PDE1A: variants seen among roughly 807,000 people sequenced by gnomAD.
PDE1A encodes phosphodiesterase 1A.
PDE1A carries 35 observed loss-of-function variants against 61.7 expected under a neutral mutation model. The observed-to-expected ratio is 0.57, with a 90% CI of 0.43 to 0.75. The LOEUF is 0.75. Among genes scored for constraint, PDE1A ranks in the 30% least tolerant of loss-of-function variants. PDE1A has a pLI of 0.00. For missense variants in PDE1A, 597 were observed against 630.6 expected (o/e 0.95, Z 0.57); for synonymous variants, 232 against 213.2 (o/e 1.09, Z -0.77).
chr2:182,692,678 T>TATATATATAAAATATATATATGTA, the PDE1A span, among the ~76,000 whole-genome samples: 93 of 147,974 alleles, frequency 6.3e-4, no homozygotes, highest in Non-Finnish European at 1.2e-3. Flanking sequence ...TAAAAATATA[T>TATATATATAAAATATATATATGTA]ATATATATAA....
At chr2:182,658,058 A>AC in the PDE1A span, among the ~76,000 whole-genome samples, 335 of 108,568 alleles carry the variant, frequency 3.1e-3, 11 homozygotes, top group East Asian at 9.8e-3. Context: ...AAAAAAAAAA[A>AC]AAAAAAAAAA....
Position 182,200,408 on chromosome 2 carries a change from T to C in PDE1A, c.1125+1031A>G, listed in dbSNP as rs113158449. Among the ~76,000 whole-genome samples, 10 of 152,278 alleles carry C rather than the reference T, an allele frequency of 6.6e-5. 1 individual carries two copies. The highest frequency in any genetic ancestry group is 2.2e-4 in the African/African-American group (9 of 41,570). ...GAGTTCAATCGCATGTCCAATGGTT[T>C]AATCAACCATGCCTATGTAATGAAA... On this transcript the variant is annotated intron_variant, in intron 10 of 13. Coordinates refer to ENST00000351439, the Ensembl canonical transcript of PDE1A.
At chr2:182,424,922 C>T (rs138909978) in intron 1 of PDE1A, among the ~76,000 whole-genome samples, 136 of 152,268 alleles carry the variant, frequency 8.9e-4, no homozygotes, top group African/African-American at 3.1e-3. Context: ...GATCATGAAG[C>T]AAATCACTTG....
chr2:182,206,841 C>A (rs912452493), intron 7 of PDE1A, among the ~76,000 whole-genome samples: 9 of 152,144 alleles, frequency 5.9e-5, no homozygotes, highest in Non-Finnish European at 1.0e-4. Flanking sequence ...GTAGCACTTT[C>A]TTCTTCGCAC....
chr2:182,606,414 G>T, the PDE1A span, among the ~76,000 whole-genome samples: 9 of 152,156 alleles, frequency 5.9e-5, no homozygotes, highest in African/African-American at 2.2e-4. Flanking sequence ...TCCTGACCTT[G>T]TAATCCACCC....
At chr2:182,631,868 T>C in the PDE1A span, among the ~76,000 whole-genome samples, 6 of 152,338 alleles carry the variant, frequency 3.9e-5, no homozygotes, top group Admixed American at 1.3e-4. Flanking sequence ...TAAGTGGAAC[T>C]CAGAGTCCAG....
At chr2:182,414,678 A>C (rs1278934711) in intron 1 of PDE1A, among the ~76,000 whole-genome samples, 2 of 152,184 alleles carry the variant, frequency 1.3e-5, no homozygotes, top group Non-Finnish European at 1.5e-5. Context: ...TAAATGAAGA[A>C]AAAAAAAGAT....
intron 2 of PDE1A, among the ~76,000 whole-genome samples, chr2:182,449,458 A>G (rs1685370059): frequency 2.0e-5 from 3 of 152,016 alleles, no homozygotes; most frequent in Admixed American, 2.0e-4. Context: ...CAGAGGCTAT[A>G]AGAATAACCT....
At chr2:182,205,009 G>A (rs948470972) in intron 8 of PDE1A, among the ~76,000 whole-genome samples, 12 of 151,970 alleles carry the variant, frequency 7.9e-5, no homozygotes, top group African/African-American at 1.2e-4. Context: ...TATCTTTTAC[G>A]TTTTTTAATG....
intron 2 of PDE1A, among the ~76,000 whole-genome samples, chr2:182,241,372 A>G (rs1348875348): frequency 6.6e-6 from 1 of 152,074 alleles, no homozygotes; most frequent in Non-Finnish European, 1.5e-5. Flanking sequence ...GCTTTTGAAA[A>G]TCTCTTTGCC....
Position 182,147,067 on chromosome 2 carries a change from G to A in PDE1A, c.*12C>T, listed in dbSNP as rs772791610. 10 of 1,554,218 alleles carry A rather than the reference G, an allele frequency of 6.4e-6. No individual in the cohort carries two copies. The Admixed American group carries it at 1.0e-4, about 16-fold the overall frequency. On this transcript the variant is annotated 3_prime_UTR_variant, in exon 14 of 14. Coordinates refer to the PDE1A transcript ENST00000409365. The stretch of plus-strand genomic sequence containing the variant: ...TGTTTAAAATGACAGAAGTCTTTAA[G>A]GTGTTTCGGGCCTATGAATGTGTCT...
chr2:182,243,612 T>C (rs1371406318), intron 2 of PDE1A, among the ~76,000 whole-genome samples: 3 of 152,214 alleles, frequency 2.0e-5, no homozygotes, highest in African/African-American at 4.8e-5. Flanking sequence ...TGGCAGGTCA[T>C]TGAATTATTT....
At chr2:182,696,788 A>G in the PDE1A span, among the ~76,000 whole-genome samples, 135 of 152,320 alleles carry the variant, frequency 8.9e-4, 1 homozygote, top group Non-Finnish European at 1.4e-3. Flanking sequence ...GCTTTAAAAT[A>G]AAGTCTATTT....
chr2:182,352,236 T>C (rs143465637), intron 1 of PDE1A, among the ~76,000 whole-genome samples: 4 of 152,374 alleles, frequency 2.6e-5, no homozygotes, highest in African/African-American at 7.2e-5. Flanking sequence ...AAGCCCAGTG[T>C]TCCTCAACTG....
chr2:182,575,703 T>C, the PDE1A span, among the ~76,000 whole-genome samples: 1 of 141,042 alleles, frequency 7.1e-6, no homozygotes, highest in Non-Finnish European at 1.5e-5. Flanking sequence ...AATTATTCCA[T>C]TATGTATCTA....
intron 13 of PDE1A, among the ~76,000 whole-genome samples, chr2:182,155,887 G>A (rs772875026): frequency 3.3e-5 from 5 of 151,746 alleles, no homozygotes; most frequent in East Asian, 1.9e-4. Flanking sequence ...GAGAAACTCC[G>A]TCTCAATAAT....
chr2:182,249,871 A>G (rs533056543), intron 2 of PDE1A, among the ~76,000 whole-genome samples: 1 of 152,196 alleles, frequency 6.6e-6, no homozygotes, highest in Middle Eastern at 3.2e-3. Flanking sequence ...AGAACCAGGC[A>G]AGAAACCAAG....
At chr2:182,704,602 CTTTA>C in the PDE1A span, among the ~76,000 whole-genome samples, 1 of 152,110 alleles carries the variant, frequency 6.6e-6, no homozygotes, top group Non-Finnish European at 1.5e-5. Context: ...ATGTTTATTA[CTTTA>C]TTTAAAAATA....
the PDE1A span, among the ~76,000 whole-genome samples, chr2:182,602,992 C>CACACACACACACACAT: frequency 1.9e-4 from 25 of 130,492 alleles, no homozygotes; most frequent in African/African-American, 6.8e-4. Flanking sequence ...CACACACACA[C>CACACACACACACACAT]ACATACATAC....
Sources: gnomAD v4.1 joint callset for allele counts (sites outside exome capture counted in the v4.1 genomes callset) on GRCh38, gnomAD v4.1.1 for gene constraint, MANE v1.5 for transcripts, NCBI Gene and HGNC (gene_info 2026-07-23, HGNC 2026-07-21) for gene names.